The following NFIA variants were observed in gnomAD, a reference collection of about 807,000 sequenced individuals.
NFIA encodes the protein nuclear factor I A.
A neutral mutation model predicts 62.8 loss-of-function variants in NFIA; 8 were observed. That is an observed-to-expected ratio of 0.13 (90% CI 0.07 to 0.23). The LOEUF (loss-of-function observed/expected upper bound fraction) is 0.23, where lower values mean the gene tolerates loss of function less well. Among genes scored for constraint, NFIA ranks in the 10% least tolerant of loss-of-function variants. The probability of loss-of-function intolerance (pLI) is 1.00; values close to 1 mark genes in which losing one functional copy is unlikely to be tolerated. For synonymous variants in NFIA, 235 were observed against 238.1 expected (o/e 0.99, Z 0.12); for missense variants, 410 against 642.1 (o/e 0.64, Z 3.91).
At chr1:61,109,134 C>G (rs1342547357) in intron 2 of NFIA, among the ~76,000 whole-genome samples, 1 of 151,530 alleles carries the variant, frequency 6.6e-6, no homozygotes, top group East Asian at 1.9e-4. Context: ...TTCCTTTTTC[C>G]TCATGTAATT....
At chr1:61,206,965 A>T (rs1394616314) in intron 2 of NFIA, among the ~76,000 whole-genome samples, 1 of 152,190 alleles carries the variant, frequency 6.6e-6, no homozygotes, top group Non-Finnish European at 1.5e-5. Context: ...TACTGTTTAT[A>T]TCTTTCGATG....
chr1:61,256,411 G>A (rs1229545960), intron 2 of NFIA, among the ~76,000 whole-genome samples: 1 of 144,964 alleles, frequency 6.9e-6, no homozygotes, highest in Non-Finnish European at 1.5e-5. Context: ...ACTCCAGCCT[G>A]GGTGAGAAAG....
At chr1:61,414,432 G>A (rs1054787181) in intron 9 of NFIA, among the ~76,000 whole-genome samples, 71 of 152,318 alleles carry the variant, frequency 4.7e-4, no homozygotes, top group African/African-American at 1.7e-3. Flanking sequence ...GGATGCTAGA[G>A]TCATAATTTC....
At chr1:61,399,411 G>A (rs557005854) in intron 7 of NFIA, among the ~76,000 whole-genome samples, 2 of 152,294 alleles carry the variant, frequency 1.3e-5, no homozygotes, top group South Asian at 4.1e-4. Flanking sequence ...GAGAGACTGG[G>A]ATTTAAAGGC....
At chr1:61,179,158 G>A (rs1432415084) in intron 2 of NFIA, among the ~76,000 whole-genome samples, 1 of 152,286 alleles carries the variant, frequency 6.6e-6, no homozygotes. Context: ...TGACCTCCAC[G>A]GAGTGTGAGC....
chr1:61,324,913 T>C (rs1023923447), intron 3 of NFIA, among the ~76,000 whole-genome samples: 5 of 152,238 alleles, frequency 3.3e-5, no homozygotes, highest in Non-Finnish European at 7.3e-5. Context: ...TCCAAGGTAT[T>C]GAAGTCTGTG....
At position 61,458,590 on chromosome 1, in the gene NFIA, T is replaced by A. The variant is rs764595955; in HGVS notation, c.*3270T>A. ...TGTCAAATTAGCCTAGTAAAATTTC[T>A]GATCGTTCATTATAAAGGCAGCGTT... On this transcript the variant is annotated 3_prime_UTR_variant, in exon 11 of 11. Coordinates refer to ENST00000403491, the MANE Select transcript of NFIA (RefSeq NM_001134673.4). The A allele has an allele frequency of 2.0e-5, 3 of 152,218 alleles. No homozygotes were observed. The highest frequency in any genetic ancestry group is 2.9e-5 in the Non-Finnish European group (2 of 68,034). 9.4% of individuals were successfully genotyped at this position (152,218 alleles called of 1,614,324 possible). A position where few individuals can be genotyped will look rare whatever the true frequency, so the allele number is the denominator to read the frequency against.
chr1:61,335,355 G>A (rs967184049), intron 4 of NFIA, among the ~76,000 whole-genome samples: 17 of 151,814 alleles, frequency 1.1e-4, no homozygotes, highest in African/African-American at 2.2e-4. Flanking sequence ...CTCAGGTTTC[G>A]TCACCTACGC....
chr1:61,346,817 T>A (rs2100420281), intron 4 of NFIA, among the ~76,000 whole-genome samples: 1 of 152,272 alleles, frequency 6.6e-6, no homozygotes. Context: ...TTTAATTGAC[T>A]CACAGTTCTA....
chr1:61,286,683 GAGAC>G (rs1046762967), intron 3 of NFIA, among the ~76,000 whole-genome samples: 6 of 152,172 alleles, frequency 3.9e-5, no homozygotes, highest in African/African-American at 1.2e-4. Flanking sequence ...CTTGGGGAAG[GAGAC>G]AGACAATCAG....
intron 2 of NFIA, among the ~76,000 whole-genome samples, chr1:61,233,732 CA>C (rs1424647612): frequency 6.6e-6 from 1 of 152,088 alleles, no homozygotes; most frequent in East Asian, 1.9e-4. Context: ...AATTAATAGA[CA>C]TAAGTAAAAA....
chr1:61,139,839 C>CA (rs1306682478), intron 2 of NFIA, among the ~76,000 whole-genome samples: 1 of 134,132 alleles, frequency 7.5e-6, no homozygotes. Context: ...CCATCTCCCA[C>CA]GGAGGTATAA....
At chr1:61,415,292 A>G (rs1035116787) in intron 9 of NFIA, among the ~76,000 whole-genome samples, 72 of 152,288 alleles carry the variant, frequency 4.7e-4, no homozygotes, top group African/African-American at 1.7e-3. Flanking sequence ...GCAAATTTTT[A>G]TACTATTGGA....
intron 2 of NFIA, among the ~76,000 whole-genome samples, chr1:61,097,382 T>C (rs12082005): frequency 0.22 from 33,882 of 152,142 alleles, 4,719 homozygotes; most frequent in East Asian, 0.51. Context: ...TAAAAAATAC[T>C]GTACTATTTA....
intron 3 of NFIA, among the ~76,000 whole-genome samples, chr1:61,289,648 T>C (rs1658739024): frequency 6.6e-6 from 1 of 152,252 alleles, no homozygotes; most frequent in South Asian, 2.1e-4. Flanking sequence ...TGCGATGTCA[T>C]CACCTTCCCA....
intron 6 of NFIA, among the ~76,000 whole-genome samples, chr1:61,376,480 G>A (rs139591245): frequency 6.6e-6 from 1 of 152,096 alleles, no homozygotes; most frequent in Non-Finnish European, 1.5e-5. Flanking sequence ...TTATTTTGTG[G>A]AGGTTCTGTG....
intron 2 of NFIA, among the ~76,000 whole-genome samples, chr1:61,192,313 A>G (rs1387535351): frequency 6.6e-6 from 1 of 152,200 alleles, no homozygotes; most frequent in Non-Finnish European, 1.5e-5. Context: ...AGCATATTAG[A>G]AATAATCCAA....
chr1:61,204,642 T>C (rs112023234), intron 2 of NFIA, among the ~76,000 whole-genome samples: 22 of 152,168 alleles, frequency 1.4e-4, no homozygotes, highest in African/African-American at 4.8e-4. Context: ...ATTTGTATTA[T>C]GTCTGCCTTA....
intron 2 of NFIA, among the ~76,000 whole-genome samples, chr1:61,148,156 A>G (rs1043808906): frequency 6.6e-6 from 1 of 152,162 alleles, no homozygotes; most frequent in African/African-American, 2.4e-5. Context: ...AGGGCCTGGC[A>G]TCTAATGTAG....
Sources: allele counts gnomAD v4.1 joint callset (sites outside exome capture counted in the v4.1 genomes callset), GRCh38; gene constraint gnomAD v4.1.1; transcripts MANE v1.5; gene names NCBI Gene and HGNC (gene_info 2026-07-23, HGNC 2026-07-21).